Variants in STK3 observed in about 807,000 individuals in gnomAD.
STK3 encodes the protein serine/threonine kinase 3, also known as serine/threonine-protein kinase 3.
In STK3, 41 loss-of-function variants were observed where a neutral mutation model predicts 58.0. The ratio of observed to expected loss-of-function variants is 0.71; its 90% confidence interval spans 0.55 to 0.92. STK3 has a LOEUF of 0.92. STK3 is among the 40% of genes least tolerant of loss of function. The pLI, the probability that STK3 is intolerant of heterozygous loss-of-function variation, is 0.00. For synonymous variants in STK3, 170 were observed against 191.0 expected (o/e 0.89, Z 0.91); for missense variants, 479 against 602.7 (o/e 0.79, Z 2.15).
intron 10 of STK3, among the ~76,000 whole-genome samples, chr8:98,468,112 C>A (rs182461353): frequency 1.3e-5 from 2 of 152,252 alleles, no homozygotes; most frequent in Admixed American, 1.3e-4. Flanking sequence ...GCATCTAAAT[C>A]CACAGTTCAT....
chr8:98,456,794 T>C (rs566773387), intron 10 of STK3, among the ~76,000 whole-genome samples: 7 of 152,342 alleles, frequency 4.6e-5, no homozygotes, highest in African/African-American at 1.7e-4. Flanking sequence ...ATAATTGCCT[T>C]TGGTTATTTT....
At chr8:98,733,330 G>A (rs1192839743) in intron 4 of STK3, among the ~76,000 whole-genome samples, 3 of 152,046 alleles carry the variant, frequency 2.0e-5, no homozygotes, top group Non-Finnish European at 4.4e-5. Context: ...TGGGAACTGG[G>A]CCACATAGCA....
chr8:98,459,487 C>T (rs559633100), intron 10 of STK3, among the ~76,000 whole-genome samples: 1 of 152,326 alleles, frequency 6.6e-6, no homozygotes, highest in South Asian at 2.1e-4. Flanking sequence ...AACCTGTTTT[C>T]TGGGGGAGAA....
At chr8:98,937,697 G>A (rs1840246039) in intron 1 of STK3, among the ~76,000 whole-genome samples, 1 of 152,206 alleles carries the variant, frequency 6.6e-6, no homozygotes, top group Non-Finnish European at 1.5e-5. Flanking sequence ...TTATTAGTCG[G>A]TACTTCACAG....
intron 1 of STK3, among the ~76,000 whole-genome samples, chr8:98,891,575 G>A (rs1472505540): frequency 6.6e-6 from 1 of 151,934 alleles, no homozygotes; most frequent in Non-Finnish European, 1.5e-5. Flanking sequence ...TAAAAGTTTT[G>A]TAAGTTGTGC....
chr8:98,513,516 G>C (rs894106339), intron 10 of STK3, among the ~76,000 whole-genome samples: 4 of 152,190 alleles, frequency 2.6e-5, no homozygotes, highest in African/African-American at 9.6e-5. Flanking sequence ...TTAGCCTGCT[G>C]AAGTGTTCAT....
chr8:98,918,788 C>T (rs1839441585), intron 1 of STK3, among the ~76,000 whole-genome samples: 1 of 151,766 alleles, frequency 6.6e-6, no homozygotes, highest in African/African-American at 2.4e-5. Flanking sequence ...AAAACAAAAA[C>T]AAAACTTTAA....
chr8:98,436,006 C>G (rs1256972107), intron 2 of STK3, among the ~76,000 whole-genome samples: 1 of 152,178 alleles, frequency 6.6e-6, no homozygotes, highest in Non-Finnish European at 1.5e-5. Context: ...TGACCGGCCT[C>G]TGTTCCCACC....
intron 7 of STK3, among the ~76,000 whole-genome samples, chr8:98,594,218 G>A (rs1470857609): frequency 2.6e-5 from 4 of 152,020 alleles, no homozygotes; most frequent in South Asian, 2.1e-4. Context: ...GAGGTGGGAG[G>A]ATAGGTGGAG....
intron 6 of STK3, among the ~76,000 whole-genome samples, chr8:98,633,361 A>T (rs555964644): frequency 6.6e-6 from 1 of 152,344 alleles, no homozygotes; most frequent in South Asian, 2.1e-4. Context: ...CTTAAGTAAG[A>T]CAGTAATATG....
chr8:98,825,162 G>A (rs1211779634), intron 1 of STK3, among the ~76,000 whole-genome samples: 1 of 152,198 alleles, frequency 6.6e-6, no homozygotes, highest in Non-Finnish European at 1.5e-5. Flanking sequence ...GGGGAAGGGG[G>A]AAGAACACCT....
chr8:98,487,616 T>C (rs1326687257), intron 10 of STK3, among the ~76,000 whole-genome samples: 2 of 152,244 alleles, frequency 1.3e-5, no homozygotes, highest in South Asian at 2.1e-4. Flanking sequence ...TAATTTGTTA[T>C]AAAATGTGTT....
chr8:98,635,878 C>T (rs977882790), intron 6 of STK3, among the ~76,000 whole-genome samples: 1 of 151,948 alleles, frequency 6.6e-6, no homozygotes, highest in Non-Finnish European at 1.5e-5. Flanking sequence ...ACTTCAAACC[C>T]CAATCTTTCC....
chr8:98,899,695 C>G (rs1470456411), intron 1 of STK3, among the ~76,000 whole-genome samples: 1 of 152,048 alleles, frequency 6.6e-6, no homozygotes, highest in African/African-American at 2.4e-5. Flanking sequence ...TATTCTGTGC[C>G]AAGGGCATGA....
intron 1 of STK3, among the ~76,000 whole-genome samples, chr8:98,815,439 C>G (rs959001815): frequency 6.6e-6 from 1 of 152,294 alleles, no homozygotes; most frequent in Middle Eastern, 3.4e-3. Flanking sequence ...CTAAGAGAAA[C>G]CACGGCTTTT....
At chr8:98,904,945 C>G in intron 1 of STK3, 1 of 711,784 alleles carries the variant, frequency 1.4e-6, no homozygotes, top group South Asian at 1.3e-5. Context: ...TAGTTACATG[C>G]AGAAGCTGCT....
intron 10 of STK3, among the ~76,000 whole-genome samples, chr8:98,506,047 C>T (rs1173629655): frequency 6.6e-6 from 1 of 152,236 alleles, no homozygotes; most frequent in East Asian, 1.9e-4. Flanking sequence ...CTGCAGTGGG[C>T]TCCACCCAGT....
intron 10 of STK3, among the ~76,000 whole-genome samples, chr8:98,516,000 T>C (rs1043751497): frequency 6.6e-6 from 1 of 152,074 alleles, no homozygotes; most frequent in South Asian, 2.1e-4. Context: ...CAATACTTAT[T>C]AGTTTATTAG....
intron 1 of STK3, among the ~76,000 whole-genome samples, chr8:98,792,149 C>T (rs1832845688): frequency 6.6e-6 from 1 of 152,124 alleles, no homozygotes; most frequent in South Asian, 2.1e-4. Context: ...GGGCTAAGGA[C>T]ATGAATAGAC....
Sources: allele counts gnomAD v4.1 joint callset (sites outside exome capture counted in the v4.1 genomes callset), GRCh38; gene constraint gnomAD v4.1.1; transcripts MANE v1.5; gene names NCBI Gene and HGNC (gene_info 2026-07-23, HGNC 2026-07-21).